Variants in RYR3 observed in about 807,000 individuals in gnomAD.
RYR3 encodes the protein brain ryanodine receptor-calcium release channel.
A neutral mutation model predicts 584.3 loss-of-function variants in RYR3; 207 were observed. That is an observed-to-expected ratio of 0.35 (90% CI 0.32 to 0.40). The LOEUF (loss-of-function observed/expected upper bound fraction) is 0.40, where lower values mean the gene tolerates loss of function less well. Among genes scored for constraint, RYR3 ranks in the 10% least tolerant of loss-of-function variants. The pLI is 1.00. For synonymous variants in RYR3, 2,416 were observed against 2,248.5 expected (o/e 1.07, Z -2.11); for missense variants, 5,616 against 6,089.2 (o/e 0.92, Z 2.59).
chr15:33,438,461 T>C (rs2045928114), intron 1 of RYR3, among the ~76,000 whole-genome samples: 1 of 152,188 alleles, frequency 6.6e-6, no homozygotes, highest in Non-Finnish European at 1.5e-5. Flanking sequence ...AGCATAACTT[T>C]AAAAATGTCT....
chr15:33,456,648 C>T (rs1175114321), intron 1 of RYR3, among the ~76,000 whole-genome samples: 1 of 152,086 alleles, frequency 6.6e-6, no homozygotes, highest in Non-Finnish European at 1.5e-5. Flanking sequence ...GTTACATTTG[C>T]ACAAAAGAAC....
chr15:33,507,710 T>A (rs1393578031), intron 3 of RYR3, among the ~76,000 whole-genome samples: 1 of 152,224 alleles, frequency 6.6e-6, no homozygotes, highest in Admixed American at 6.5e-5. Flanking sequence ...GCATTTGTGA[T>A]GAAAAAAATG....
intron 3 of RYR3, among the ~76,000 whole-genome samples, chr15:33,522,092 T>TAAA (rs36044198): frequency 0.012 from 1,389 of 114,722 alleles, 50 homozygotes; most frequent in East Asian, 0.11. Flanking sequence ...CATCTCTACT[T>TAAA]AAAAAAAAAA....
At chr15:33,396,431 G>C (rs2042301798) in intron 1 of RYR3, among the ~76,000 whole-genome samples, 1 of 152,154 alleles carries the variant, frequency 6.6e-6, no homozygotes, top group African/African-American at 2.4e-5. Flanking sequence ...GCCCACCCGA[G>C]GGACACTTCC....
chr15:33,585,458 A>G (rs11639151), intron 15 of RYR3, among the ~76,000 whole-genome samples: 33,322 of 152,146 alleles, frequency 0.22, 3,906 homozygotes, highest in Middle Eastern at 0.4. Context: ...TGTGCCAAAA[A>G]AAAGGGGGAA....
At chr15:33,859,529 C>G (rs780777814) in intron 99 of RYR3, 46 bp from the exon 100 acceptor site, 5 of 1,606,984 alleles carry the variant, frequency 3.1e-6, no homozygotes, top group Non-Finnish European at 4.3e-6. Flanking sequence ...TTGCTAAAAA[C>G]AGAACTGTGA....
chr15:33,601,659 T>C, intron 17 of RYR3, 107 bp downstream of exon 17: 1 of 1,188,818 alleles, frequency 8.4e-7, no homozygotes, highest in Non-Finnish European at 1.2e-6. Flanking sequence ...ACCCATTGTT[T>C]CCATGGTGAT....
chr15:33,412,507 G>T lies in RYR3; in HGVS notation c.52-60912G>T, dbSNP rs1442053537. ...ATCACTTTGAAGCCACCCTGGCCAC[G>T]TGCATTGGCAGAAGTCTCCCTGCCC... On this transcript the variant is annotated intron_variant, in intron 1 of 103. Coordinates refer to ENST00000634891, the MANE Select transcript of RYR3 (RefSeq NM_001036.6). The surrounding 1 kb of genome is among the most constrained non-coding windows in gnomAD (Gnocchi z 4.3). Among the ~76,000 whole-genome samples, 1 of 152,138 alleles carries T rather than the reference G, an allele frequency of 6.6e-6. No individual in the cohort carries two copies. Among genetic ancestry groups the T allele is most frequent in the Non-Finnish European group, 1.5e-5 (1 of 68,028 alleles).
intron 1 of RYR3, among the ~76,000 whole-genome samples, chr15:33,338,826 A>C (rs1381706608): frequency 6.6e-6 from 1 of 152,214 alleles, no homozygotes; most frequent in Non-Finnish European, 1.5e-5. Context: ...AAATTTCATG[A>C]ACATAATGGT....
chr15:33,708,771 A>G (rs1490451116), intron 43 of RYR3, among the ~76,000 whole-genome samples: 2 of 152,248 alleles, frequency 1.3e-5, no homozygotes, highest in East Asian at 3.8e-4. Flanking sequence ...GTGCCCTTAC[A>G]GATGGAGCAA....
At chr15:33,826,809 T>C in intron 84 of RYR3, 57 bp downstream of exon 84, 1 of 1,275,620 alleles carries the variant, frequency 7.8e-7, no homozygotes, top group Admixed American at 1.9e-5. Flanking sequence ...AAACTAGAAT[T>C]CCGTTCAGTA....
intron 89 of RYR3, among the ~76,000 whole-genome samples, chr15:33,840,136 G>A (rs1159377359): frequency 2.0e-5 from 3 of 152,238 alleles, no homozygotes; most frequent in African/African-American, 7.2e-5. Context: ...AATAGGTAGA[G>A]GAGGCTTCTG....
chr15:33,673,242 A>G (rs987413405), intron 38 of RYR3, among the ~76,000 whole-genome samples: 10 of 152,228 alleles, frequency 6.6e-5, no homozygotes, highest in African/African-American at 2.4e-4. Context: ...GATCTGAATC[A>G]TTTTCAGATA....
In RYR3 at chr15:33,829,513, C is replaced by T. The variant is rs527516594; in HGVS notation, c.11335-1450C>T. On this transcript the variant is annotated intron_variant, in intron 85 of 103. Coordinates refer to ENST00000634891, the MANE Select transcript of RYR3 (RefSeq NM_001036.6). ...TCTGTAATCCTAGGACTTTGGGAGG[C>T]CAAGGCAGGAGGATCACAAGGTCAG... is the stretch of plus-strand genomic sequence containing the variant. Among the ~76,000 whole-genome samples the T allele has an allele frequency of 2.0e-5, 3 of 152,046 alleles. No individual in the cohort carries two copies. In the South Asian group the frequency reaches 6.2e-4, roughly 32 times the overall value.
chr15:33,858,994 C>G (rs1412769736), intron 99 of RYR3: 2 of 152,612 alleles, frequency 1.3e-5, no homozygotes, highest in Non-Finnish European at 2.9e-5. Flanking sequence ...TTTGATTTTC[C>G]AGGTGTAAGA....
chr15:33,816,814 C>G (rs200943346), intron 74 of RYR3, 48 bp from the exon 75 acceptor site: 11 of 1,271,256 alleles, frequency 8.7e-6, no homozygotes, highest in Non-Finnish European at 1.2e-5. Context: ...ACTAAAAGAA[C>G]AAGTTCCATG....
intron 38 of RYR3, among the ~76,000 whole-genome samples, chr15:33,680,808 G>C (rs1371441008): frequency 6.6e-6 from 1 of 152,190 alleles, no homozygotes; most frequent in Non-Finnish European, 1.5e-5. Flanking sequence ...CTATGTATGT[G>C]GTCAGTAATA....
chr15:33,543,185 A>C (rs1156537692), intron 7 of RYR3, among the ~76,000 whole-genome samples: 1 of 152,062 alleles, frequency 6.6e-6, no homozygotes, highest in East Asian at 1.9e-4. Context: ...CCCCCTTCTC[A>C]GCACCTTTCT....
intron 12 of RYR3, among the ~76,000 whole-genome samples, chr15:33,571,136 G>A (rs1317607757): frequency 7.7e-6 from 1 of 130,634 alleles, no homozygotes; most frequent in Non-Finnish European, 1.6e-5. Context: ...AGACATTCTT[G>A]TCTTGTTCCT....
Sources: gnomAD v4.1 joint callset for allele counts (sites outside exome capture counted in the v4.1 genomes callset) on GRCh38, gnomAD v4.1.1 for gene constraint, Gnocchi (gnomAD v3.1) non-coding constraint, MANE v1.5 for transcripts, NCBI Gene and HGNC (gene_info 2026-07-23, HGNC 2026-07-21) for gene names.